Variants in RBFOX1 observed in about 807,000 individuals in gnomAD.
RBFOX1 encodes the protein RNA binding protein fox-1 homolog 1.
In RBFOX1, 8 loss-of-function variants were observed where a neutral mutation model predicts 57.7. That is an observed-to-expected ratio of 0.14 (90% CI 0.08 to 0.25). The LOEUF (loss-of-function observed/expected upper bound fraction) is 0.25. Ranked by LOEUF, RBFOX1 falls within the 10% of genes least tolerant of loss-of-function variation. RBFOX1 has a pLI of 1.00. For missense variants in RBFOX1, 611 were observed against 548.5 expected, an observed-to-expected ratio of 1.11 and a Z score of -1.14; for synonymous variants, 326 against 222.4, an observed-to-expected ratio of 1.47 and a Z score of -4.15.
intron 4 of RBFOX1, among the ~76,000 whole-genome samples, chr16:7,389,283 G>A (rs148067355): frequency 1.8e-4 from 28 of 152,096 alleles, no homozygotes; most frequent in East Asian, 1.2e-3. Flanking sequence ...GTGTCACCAC[G>A]CCCAGCTAAT....
At chr16:7,098,354 G>T (rs2062048308) in intron 4 of RBFOX1, among the ~76,000 whole-genome samples, 1 of 152,072 alleles carries the variant, frequency 6.6e-6, no homozygotes, top group Non-Finnish European at 1.5e-5. Flanking sequence ...ATTTTTAGTG[G>T]AGATGGGGTT....
chr16:5,425,092 TC>T (rs1217061463), intron 1 of RBFOX1, among the ~76,000 whole-genome samples: 4 of 146,578 alleles, frequency 2.7e-5, no homozygotes, highest in African/African-American at 1.0e-4. Context: ...TATCTATCTA[TC>T]TATCTATCTA....
intron 1 of RBFOX1, among the ~76,000 whole-genome samples, chr16:6,091,831 A>T (rs919440790): frequency 6.6e-6 from 1 of 152,152 alleles, no homozygotes; most frequent in Non-Finnish European, 1.5e-5. Flanking sequence ...ACTCTGTCTC[A>T]AAAAAACAAA....
chr16:5,454,923 CTTT>C (rs1567535480), intron 1 of RBFOX1, among the ~76,000 whole-genome samples: 577 of 37,932 alleles, frequency 0.015, 13 homozygotes, highest in Non-Finnish European at 0.02. Flanking sequence ...TCCTTTGTTT[CTTT>C]CTTCCTTCCT....
At chr16:5,833,599 GTGTGGCCAATTAAGACACTT>G (rs2056358364) in intron 3 of RBFOX1, among the ~76,000 whole-genome samples, 1 of 151,920 alleles carries the variant, frequency 6.6e-6, no homozygotes. Flanking sequence ...AGCTGATACA[GTGTGGCCAATTAAGACACTT>G]TTAGAGGGTC....
chr16:5,851,861 G>T (rs1371614948), intron 3 of RBFOX1, among the ~76,000 whole-genome samples: 1 of 152,174 alleles, frequency 6.6e-6, no homozygotes, highest in Non-Finnish European at 1.5e-5. Context: ...AAGGAAGGAC[G>T]ATGTCTTGGC....
At chr16:5,642,982 C>A (rs1567337607) in intron 3 of RBFOX1, among the ~76,000 whole-genome samples, 1 of 152,192 alleles carries the variant, frequency 6.6e-6, no homozygotes, top group Non-Finnish European at 1.5e-5. Flanking sequence ...TAATCCACCG[C>A]CTCTCCTGAG....
intron 3 of RBFOX1, among the ~76,000 whole-genome samples, chr16:6,776,505 C>G (rs981813072): frequency 1.3e-5 from 2 of 152,154 alleles, no homozygotes; most frequent in Non-Finnish European, 2.9e-5. Context: ...ACAATTAAAA[C>G]ACATAGAAGA....
chr16:6,964,146 T>A (rs1392045694), intron 3 of RBFOX1, among the ~76,000 whole-genome samples: 1 of 152,056 alleles, frequency 6.6e-6, no homozygotes, highest in African/African-American at 2.4e-5. Flanking sequence ...GCCTCCCAAG[T>A]AGGTGAGATT....
chr16:5,814,170 G>A (rs1178905106), intron 3 of RBFOX1, among the ~76,000 whole-genome samples: 2 of 152,056 alleles, frequency 1.3e-5, no homozygotes, highest in African/African-American at 2.4e-5. Flanking sequence ...CTTGAGGCCC[G>A]CCTGTGCTGC....
chr16:6,515,809 G>T (rs181816020), intron 2 of RBFOX1, among the ~76,000 whole-genome samples: 2 of 151,842 alleles, frequency 1.3e-5, no homozygotes, highest in African/African-American at 2.4e-5. Context: ...TCCTTCATCC[G>T]CCTGAAGTCT....
intron 3 of RBFOX1, among the ~76,000 whole-genome samples, chr16:5,781,428 C>G (rs535316515): frequency 6.6e-6 from 1 of 152,200 alleles, no homozygotes; most frequent in South Asian, 2.1e-4. Flanking sequence ...TAGTAAGTAA[C>G]TATGCCAATA....
rs568767996 is a variant in RBFOX1 at position 6,700,722 on chromosome 16, C to T, written c.-16+46072C>T. Among the ~76,000 whole-genome samples the T allele has an allele frequency of 5.3e-5, 8 of 152,148 alleles. No individual in the cohort carries two copies. In the South Asian group the frequency reaches 1.7e-3, roughly 32 times the overall value. ...TAAGTAGATTCGTGAAACCGAGTCA[C>T]CTGGTAAGACAGACTTTCTTGAAAC... is the stretch of plus-strand genomic sequence containing the variant. On this transcript the variant is annotated intron_variant, in intron 3 of 15. Transcript: ENST00000550418.
intron 3 of RBFOX1, among the ~76,000 whole-genome samples, chr16:5,851,570 G>T (rs1184201868): frequency 6.6e-6 from 1 of 152,158 alleles, no homozygotes; most frequent in African/African-American, 2.4e-5. Flanking sequence ...AGCAGGCCCA[G>T]CCCAGCTGAA....
At chr16:7,577,049 T>A (rs2093394223) in intron 5 of RBFOX1, among the ~76,000 whole-genome samples, 1 of 152,170 alleles carries the variant, frequency 6.6e-6, no homozygotes, top group East Asian at 1.9e-4. Context: ...TTCTGCTCTG[T>A]TTGGGTTTCA....
At chr16:7,455,636 C>CAA (rs879671076) in intron 4 of RBFOX1, among the ~76,000 whole-genome samples, 1 of 143,016 alleles carries the variant, frequency 7.0e-6, no homozygotes. Context: ...TACTGAAATA[C>CAA]AAAAAAAAAA....
intron 2 of RBFOX1, among the ~76,000 whole-genome samples, chr16:5,486,347 C>T (rs2042627420): frequency 1.3e-5 from 2 of 152,194 alleles, no homozygotes; most frequent in African/African-American, 4.8e-5. Context: ...ATCTGAAGTT[C>T]AGCTTGGATG....
chr16:5,370,455 T>G (rs1368601642), intron 1 of RBFOX1, among the ~76,000 whole-genome samples: 1 of 93,182 alleles, frequency 1.1e-5, no homozygotes, highest in African/African-American at 4.0e-5. Context: ...CGATCCAGCC[T>G]CCTCCTCTTT....
At chr16:6,931,305 C>G (rs1325166837) in intron 3 of RBFOX1, among the ~76,000 whole-genome samples, 4 of 125,854 alleles carry the variant, frequency 3.2e-5, no homozygotes, top group African/African-American at 1.4e-4. Flanking sequence ...GTCTATCTAT[C>G]TATCTATCTA....
Sources: gnomAD v4.1 joint callset for allele counts (sites outside exome capture counted in the v4.1 genomes callset) on GRCh38, gnomAD v4.1.1 for gene constraint, MANE v1.5 for transcripts, NCBI Gene and HGNC (gene_info 2026-07-23, HGNC 2026-07-21) for gene names.